Variants in AR observed in about 807,000 individuals in gnomAD.
AR encodes dihydrotestosterone receptor.
A neutral mutation model predicts 53.9 loss-of-function variants in AR; 8 were observed. That is an observed-to-expected ratio of 0.15 (90% CI 0.09 to 0.27). The LOEUF is 0.27. Among genes scored for constraint, AR ranks in the 10% least tolerant of loss-of-function variants. The pLI is 1.00. For missense variants in AR, 639 were observed against 742.5 expected, an observed-to-expected ratio of 0.86 and a Z score of 1.62; for synonymous variants, 359 against 316.4, an observed-to-expected ratio of 1.13 and a Z score of -1.43.
In AR at chrX:67,722,960, C is replaced by T. The variant is rs2147538246; in HGVS notation, c.2583C>T (p.Thr861=). The T allele has an allele frequency of 1.7e-6, 2 of 1,211,737 alleles. No homozygotes were observed. The highest frequency in any genetic ancestry group is 2.2e-6 in the Non-Finnish European group (2 of 895,448). Residue 861 remains threonine (T), a synonymous_variant, in exon 7 of 8, where the codon ACC becomes ACT. Transcript: ENST00000374690. The stretch of plus-strand genomic sequence containing the variant: ...GCTCAAGACGCTTCTACCAGCTCAC[C>T]AAGCTCCTGGACTCCGTGCAGCCTG... ...TSCSRRFYQL[T]KLLDSVQPIA... is the part of the protein sequence containing the mutation.
intron 3 of AR, among the ~76,000 whole-genome samples, chrX:67,688,974 A>G (rs1264019671): frequency 1.8e-5 from 2 of 111,711 alleles, no homozygotes; most frequent in Admixed American, 9.5e-5. Flanking sequence ...AGAAGAATTC[A>G]TATAATTTTA....
At chrX:67,672,598 C>T (rs2075872482) in intron 2 of AR, among the ~76,000 whole-genome samples, 1 of 110,745 alleles carries the variant, frequency 9.0e-6, no homozygotes, top group African/African-American at 3.3e-5. Flanking sequence ...AACACTCTAT[C>T]GCATAAAAAA....
intron 3 of AR, among the ~76,000 whole-genome samples, chrX:67,707,139 A>T (rs1246912525): frequency 8.9e-6 from 1 of 111,734 alleles, no homozygotes; most frequent in Non-Finnish European, 1.9e-5. Context: ...TTTGGGGTGG[A>T]GAGTTCTGTA....
At chrX:67,721,648 G>A (rs1348661603) in intron 5 of AR, among the ~76,000 whole-genome samples, 185 bp from the exon 6 acceptor site, 5 of 111,369 alleles carry the variant, frequency 4.5e-5, no homozygotes, top group Non-Finnish European at 7.5e-5. Flanking sequence ...AAAACAGAGA[G>A]AGAAAAAAAA....
chrX:67,591,572 C>T (rs1459981967), intron 1 of AR, among the ~76,000 whole-genome samples: 1 of 111,785 alleles, frequency 8.9e-6, no homozygotes, highest in African/African-American at 3.3e-5. Flanking sequence ...ACTGTGCTCT[C>T]TGCAACCCCA....
chrX:67,597,488 C>T (rs763026112), intron 1 of AR, among the ~76,000 whole-genome samples: 22 of 111,921 alleles, frequency 2.0e-4, no homozygotes, highest in Admixed American at 1.8e-3. Flanking sequence ...TACTTATAAT[C>T]CTGGGATCTT....
chrX:67,652,907 A>G (rs1926414730), intron 2 of AR, among the ~76,000 whole-genome samples: 1 of 111,955 alleles, frequency 8.9e-6, no homozygotes, highest in Non-Finnish European at 1.9e-5. Flanking sequence ...GCATGTATAA[A>G]CTTTTTTAGG....
chrX:67,564,011 C>A (rs1024306509), intron 1 of AR, among the ~76,000 whole-genome samples: 2 of 111,331 alleles, frequency 1.8e-5, no homozygotes, highest in African/African-American at 6.5e-5. Context: ...CCTTGTGATC[C>A]ACACAGCTGG....
chrX:67,632,766 A>T (rs949955288), intron 1 of AR, among the ~76,000 whole-genome samples: 4 of 112,536 alleles, frequency 3.6e-5, no homozygotes, highest in African/African-American at 1.3e-4. Flanking sequence ...GAGAGAAAGT[A>T]TTTGCAAATC....
intron 4 of AR, among the ~76,000 whole-genome samples, chrX:67,714,881 A>G (rs909515084): frequency 8.9e-6 from 1 of 111,890 alleles, no homozygotes; most frequent in Non-Finnish European, 1.9e-5. Flanking sequence ...ATTAGACTCT[A>G]GGGAGGTTAG....
chrX:67,623,986 A>G (rs1924496075), intron 1 of AR, among the ~76,000 whole-genome samples: 1 of 110,767 alleles, frequency 9.0e-6, no homozygotes, highest in Admixed American at 9.7e-5. Flanking sequence ...GCCTTAGGAA[A>G]TTTACATCAG....
intron 2 of AR, among the ~76,000 whole-genome samples, chrX:67,661,184 T>C (rs745675729): frequency 9.0e-6 from 1 of 111,494 alleles, no homozygotes; most frequent in Admixed American, 9.6e-5. Flanking sequence ...CTTCCTCTTT[T>C]CCTAATTGAA....
intron 3 of AR, among the ~76,000 whole-genome samples, chrX:67,698,412 G>C (rs748649257): frequency 7.1e-5 from 8 of 112,848 alleles, no homozygotes; most frequent in African/African-American, 2.6e-4. Context: ...GAAAATTGAC[G>C]TAGACTGCCC....
chrX:67,553,651 A>G (rs1930078109), intron 1 of AR, among the ~76,000 whole-genome samples: 1 of 111,963 alleles, frequency 8.9e-6, no homozygotes, highest in Non-Finnish European at 1.9e-5. Flanking sequence ...GAGCATTGTC[A>G]TCTCAACAAC....
chrX:67,690,494 C>T (rs1005865924), intron 3 of AR, among the ~76,000 whole-genome samples: 11 of 111,944 alleles, frequency 9.8e-5, no homozygotes, highest in Non-Finnish European at 1.5e-4. Context: ...AGAGTGATTT[C>T]GCTGCTGAAT....
chrX:67,568,000 T>C (rs1921629557), intron 1 of AR, among the ~76,000 whole-genome samples: 1 of 111,136 alleles, frequency 9.0e-6, no homozygotes, highest in Admixed American at 9.6e-5. Context: ...GCTTCTTCAT[T>C]GAGCAAGTGT....
chrX:67,626,170 A>G (rs1230623751), intron 1 of AR, among the ~76,000 whole-genome samples: 1 of 110,729 alleles, frequency 9.0e-6, no homozygotes. Flanking sequence ...TATTCATTCT[A>G]TCTAACTATA....
intron 3 of AR, among the ~76,000 whole-genome samples, chrX:67,696,579 G>T (rs780034098): frequency 8.9e-6 from 1 of 112,007 alleles, no homozygotes; most frequent in South Asian, 3.7e-4. Flanking sequence ...GATAAAATTT[G>T]ATATTCTTTT....
chrX:67,695,367 G>A (rs948551164), intron 3 of AR: 1 of 751,705 alleles, frequency 1.3e-6, no homozygotes, highest in African/African-American at 2.3e-5. Context: ...GCTTCTCCAG[G>A]AGAAGAAGCC....
Sources: gnomAD v4.1 joint callset for allele counts (sites outside exome capture counted in the v4.1 genomes callset) on GRCh38, gnomAD v4.1.1 for gene constraint, MANE v1.5 for transcripts, NCBI Gene and HGNC (gene_info 2026-07-23, HGNC 2026-07-21) for gene names.